Variants in HADH observed in about 807,000 individuals in gnomAD.
HADH encodes the protein hydroxyacyl-CoA dehydrogenase.
A neutral mutation model predicts 32.2 loss-of-function variants in HADH; 24 were observed. That is an observed-to-expected ratio of 0.75 (90% confidence interval 0.54 to 1.05). HADH has a LOEUF of 1.05. Ranked by LOEUF, HADH falls within the 50% of genes least tolerant of loss-of-function variation. The probability of loss-of-function intolerance (pLI) is 0.00; values close to 1 mark genes in which losing one functional copy is unlikely to be tolerated. For synonymous variants in HADH, 139 were observed against 152.5 expected, an observed-to-expected ratio of 0.91 and a Z score of 0.65; for missense variants, 350 against 397.1, an observed-to-expected ratio of 0.88 and a Z score of 1.01.
chr4:107,996,508 G>A (rs1478367674), intron 1 of HADH, among the ~76,000 whole-genome samples: 2 of 152,066 alleles, frequency 1.3e-5, no homozygotes, highest in Admixed American at 6.6e-5. Flanking sequence ...CTAAAAATGG[G>A]CGCACACTTT....
In HADH at chr4:107,989,967, T is replaced by A. The variant is rs761268836; in HGVS notation, c.35T>A (p.Val12Glu). The change falls in exon 1 of 8, where the codon GTG (valine) becomes GAG (glutamate). Residue 12 changes from valine to glutamate, a missense_variant. Coordinates refer to ENST00000309522, the MANE Select transcript of HADH (RefSeq NM_005327.7). ...GTCACCAGGCAGTTCATGCGTTCCG[T>A]GTCCTCCTCGTCCACCGCCTCGGCC... ...AFVTRQFMRS[V>E]SSSSTASASA... 6.2e-7 allele frequency: 1 copy of A among 1,613,004 alleles called. No individual in the cohort carries two copies. Among genetic ancestry groups the A allele is most frequent in the Non-Finnish European group, 8.5e-7 (1 of 1,179,622 alleles).
At chr4:107,995,488 A>G (rs1247858424) in intron 1 of HADH, among the ~76,000 whole-genome samples, 1 of 152,164 alleles carries the variant, frequency 6.6e-6, no homozygotes, top group African/African-American at 2.4e-5. Flanking sequence ...GAGTTTTGAT[A>G]TAGGGAGTTC....
chr4:108,002,551 C>A (rs1028961705), intron 1 of HADH, among the ~76,000 whole-genome samples: 1 of 152,134 alleles, frequency 6.6e-6, no homozygotes, highest in African/African-American at 2.4e-5. Context: ...ATAAAGTGCA[C>A]AATCAATGTA....
In HADH at chr4:107,990,061, C is replaced by G; in HGVS notation, c.129C>G (p.Ala43=). 2 of 1,609,010 alleles carry G rather than the reference C, an allele frequency of 1.2e-6. No individual in the cohort carries two copies. Among genetic ancestry groups the G allele is most frequent in the Non-Finnish European group, 8.5e-7 (1 of 1,178,626 alleles). Residue 43 remains alanine (A), a synonymous_variant, in exon 1 of 8, where the codon GCC becomes GCG. Coordinates refer to ENST00000309522, the MANE Select transcript of HADH (RefSeq NM_005327.7). The stretch of plus-strand genomic sequence containing the variant: ...GCGGGCTGATGGGCGCCGGCATTGC[C>G]CAGGTGAGCGGCCCTCCCTGCAGCG... ...IGGGLMGAGI[A]QVAAATGHTV...
At chr4:108,026,022 A>G (rs1736057707) in intron 5 of HADH, 1 of 152,132 alleles carries the variant, frequency 6.6e-6, no homozygotes. Context: ...TATTTTTTTG[A>G]TTACTAGTGA....
At chr4:108,003,657 G>A (rs1438926996) in intron 1 of HADH, among the ~76,000 whole-genome samples, 1 of 152,004 alleles carries the variant, frequency 6.6e-6, no homozygotes, top group Non-Finnish European at 1.5e-5. Flanking sequence ...GGACACAGAA[G>A]GGAAAACTTG....
At chr4:108,034,113 G>C in intron 7 of HADH, 126 bp from the exon 8 acceptor site, 1 of 771,464 alleles carries the variant, frequency 1.3e-6, no homozygotes, top group Admixed American at 1.7e-5. Context: ...GTGGTGGCCG[G>C]AGGGGCGCCA....
At chr4:108,023,650 AT>A (rs1382792303) in intron 5 of HADH, 87 bp downstream of exon 5, 14 of 849,972 alleles carry the variant, frequency 1.6e-5, no homozygotes, top group Non-Finnish European at 2.5e-5. Context: ...TCATAGAATG[AT>A]GTGAAAGAAG....
At position 107,991,723 on chromosome 4, in the gene HADH, T is replaced by C. The variant is rs574995886; in HGVS notation, c.132+1659T>C. Among the ~76,000 whole-genome samples, 7 of 152,334 alleles carry C rather than the reference T, an allele frequency of 4.6e-5. No homozygotes were observed. In the East Asian group the frequency reaches 1.3e-3, roughly 29 times the overall value. On this transcript the variant is annotated intron_variant, in intron 1 of 7. Transcript: ENST00000309522. ...AGAGAAAGTTTAGTTTGAGTACGTT[T>C]GTATTCCCAGGCTCCACCCAAATCT... is the stretch of plus-strand genomic sequence containing the variant.
chr4:108,009,211 G>A (rs1377341121), intron 1 of HADH, among the ~76,000 whole-genome samples: 1 of 152,202 alleles, frequency 6.6e-6, no homozygotes, highest in Non-Finnish European at 1.5e-5. Context: ...GAAGAGAGAA[G>A]GGCCAAGAGG....
chr4:107,995,297 T>A (rs1734923092), intron 1 of HADH, among the ~76,000 whole-genome samples: 1 of 152,186 alleles, frequency 6.6e-6, no homozygotes, highest in Non-Finnish European at 1.5e-5. Context: ...GCCTCTTTAC[T>A]TACCTGGGAA....
intron 1 of HADH, among the ~76,000 whole-genome samples, chr4:107,999,307 AT>A (rs1215410444): frequency 6.6e-6 from 1 of 152,180 alleles, no homozygotes; most frequent in Non-Finnish European, 1.5e-5. Flanking sequence ...CTTAAAGAAT[AT>A]TGATCTTGCA....
chr4:108,016,481 C>T (rs1735698721), intron 3 of HADH, among the ~76,000 whole-genome samples: 1 of 152,190 alleles, frequency 6.6e-6, no homozygotes, highest in Non-Finnish European at 1.5e-5. Flanking sequence ...AGACATCTGA[C>T]AAAAACAGAA....
At chr4:108,007,072 T>G (rs1231736611) in intron 1 of HADH, among the ~76,000 whole-genome samples, 1 of 152,080 alleles carries the variant, frequency 6.6e-6, no homozygotes, top group Non-Finnish European at 1.5e-5. Context: ...GCATTTGGCT[T>G]TTTTCTTTTT....
At chr4:108,024,616 T>G (rs1032234689) in intron 5 of HADH, 3 of 152,226 alleles carry the variant, frequency 2.0e-5, no homozygotes, top group African/African-American at 7.2e-5. Context: ...ATTTTTTGTT[T>G]GTTTGGTTCT....
In HADH at chr4:107,999,544, C is replaced by T. The variant is rs184446402; in HGVS notation, c.132+9480C>T. ...CTCATAATTTTAAAGTAACTTGATG[C>T]TTACACAAAGTTTATCATAAAGGTT... is the stretch of plus-strand genomic sequence containing the variant. On this transcript the variant is annotated intron_variant, in intron 1 of 7. Transcript: ENST00000309522. 6.7e-4 allele frequency among the ~76,000 whole-genome samples: 102 copies of T among 152,258 alleles called. 1 individual carries two copies. Among genetic ancestry groups the T allele is most frequent in the African/African-American group, 2.1e-3 (86 of 41,542 alleles).
chr4:107,999,135 A>G (rs1445476931), intron 1 of HADH, among the ~76,000 whole-genome samples: 39 of 152,308 alleles, frequency 2.6e-4, no homozygotes, highest in Non-Finnish European at 5.9e-5. Context: ...GTCTGTGGCC[A>G]TCTCTGACCT....
chr4:108,014,612 C>T, intron 3 of HADH, 24 bp downstream of exon 3: 8 of 1,270,290 alleles, frequency 6.3e-6, no homozygotes, highest in South Asian at 2.7e-5. Context: ...GGACAATCTT[C>T]TTTTTTTTTT....
chr4:108,022,911 G>A (rs1735939987), intron 4 of HADH, among the ~76,000 whole-genome samples: 1 of 151,866 alleles, frequency 6.6e-6, no homozygotes. Flanking sequence ...AACAAAGCCT[G>A]TAAAACTGTC....
Sources: allele counts gnomAD v4.1 joint callset (sites outside exome capture counted in the v4.1 genomes callset), GRCh38; gene constraint gnomAD v4.1.1; transcripts MANE v1.5; gene names NCBI Gene and HGNC (gene_info 2026-07-23, HGNC 2026-07-21).